NAP1L4: variants seen among roughly 807,000 people sequenced by gnomAD.
NAP1L4 encodes nucleosome assembly protein 1 like 4.
A neutral mutation model predicts 58.2 loss-of-function variants in NAP1L4; 15 were observed. The observed-to-expected ratio is 0.26, with a 90% CI of 0.17 to 0.40. The LOEUF (loss-of-function observed/expected upper bound fraction) is 0.40. NAP1L4 is among the 10% of genes least tolerant of loss of function. NAP1L4 has a pLI of 1.00. For missense variants in NAP1L4, 384 were observed against 451.1 expected, an observed-to-expected ratio of 0.85 and a Z score of 1.35; for synonymous variants, 171 against 155.6, an observed-to-expected ratio of 1.10 and a Z score of -0.74.
At chr11:2,989,183 G>A (rs1280405249) in intron 1 of NAP1L4, 3 of 151,690 alleles carry the variant, frequency 2.0e-5, no homozygotes, top group African/African-American at 4.9e-5. Flanking sequence ...GTTTCCTGCA[G>A]AGATCAGCTA....
chr11:2,953,918 A>G (rs1231827102), intron 12 of NAP1L4, among the ~76,000 whole-genome samples: 1 of 152,236 alleles, frequency 6.6e-6, no homozygotes, highest in Non-Finnish European at 1.5e-5. Flanking sequence ...CCACAGATCA[A>G]GAAGACTTGA....
At chr11:2,957,375 A>T (rs1846606395) in intron 10 of NAP1L4, among the ~76,000 whole-genome samples, 1 of 152,234 alleles carries the variant, frequency 6.6e-6, no homozygotes, top group Admixed American at 6.5e-5. Flanking sequence ...TAGGCACCAC[A>T]ATTAAAATAA....
At chr11:2,977,929 A>C (rs944400271) in intron 3 of NAP1L4, among the ~76,000 whole-genome samples, 11 of 151,496 alleles carry the variant, frequency 7.3e-5, no homozygotes, top group African/African-American at 2.7e-4. Context: ...ACTACCTGGG[A>C]GGCTGCGGCA....
At chr11:2,957,782 G>A (rs1406375245) in intron 10 of NAP1L4, among the ~76,000 whole-genome samples, 1 of 152,156 alleles carries the variant, frequency 6.6e-6, no homozygotes, top group Non-Finnish European at 1.5e-5. Context: ...TCCAAGCTGT[G>A]ATTCTGCCGA....
At chr11:2,974,788 C>T (rs1196877222) in intron 4 of NAP1L4, among the ~76,000 whole-genome samples, 1 of 152,132 alleles carries the variant, frequency 6.6e-6, no homozygotes, top group Non-Finnish European at 1.5e-5. Context: ...TGCAGCAAAT[C>T]ACCATGGCAC....
intron 10 of NAP1L4, among the ~76,000 whole-genome samples, chr11:2,956,771 T>C (rs1320176330): frequency 6.6e-6 from 1 of 152,254 alleles, no homozygotes; most frequent in Non-Finnish European, 1.5e-5. Flanking sequence ...CTCATACTTC[T>C]GGACTGGCTT....
intron 12 of NAP1L4, among the ~76,000 whole-genome samples, chr11:2,953,747 CA>C (rs1474188066): frequency 6.6e-6 from 1 of 152,250 alleles, no homozygotes; most frequent in Admixed American, 6.5e-5. Context: ...TTTACTGCCA[CA>C]GGGGGCTAAG....
intron 4 of NAP1L4, among the ~76,000 whole-genome samples, chr11:2,975,822 G>A (rs987125527): frequency 2.0e-5 from 3 of 152,014 alleles, no homozygotes; most frequent in Non-Finnish European, 4.4e-5. Flanking sequence ...GACAGGTCAC[G>A]CTACTCCATC....
At chr11:2,983,351 G>C (rs757612005) in intron 1 of NAP1L4, among the ~76,000 whole-genome samples, 2 of 152,152 alleles carry the variant, frequency 1.3e-5, no homozygotes, top group East Asian at 1.9e-4. Context: ...TTTAAGTGAA[G>C]GCTGTGCTTT....
intron 1 of NAP1L4, among the ~76,000 whole-genome samples, chr11:2,987,328 A>G (rs1274540321): frequency 6.6e-6 from 1 of 151,524 alleles, no homozygotes; most frequent in East Asian, 2.0e-4. Context: ...TTTGAGGTGG[A>G]GTCTCGCTCT....
At chr11:2,976,949 A>ACCCGAGTATTCTCCCAT (rs367979940) in intron 3 of NAP1L4, among the ~76,000 whole-genome samples, 8 of 152,252 alleles carry the variant, frequency 5.3e-5, no homozygotes, top group East Asian at 1.9e-4. Context: ...GCCAGTACAT[A>ACCCGAGTATTCTCCCAT]CCCGAGTATT....
At chr11:2,950,648 A>G (rs976465888) in intron 14 of NAP1L4, among the ~76,000 whole-genome samples, 25 of 152,234 alleles carry the variant, frequency 1.6e-4, no homozygotes, top group African/African-American at 5.3e-4. Flanking sequence ...CCAAATGGTC[A>G]AAGTACCTTG....
chr11:2,979,671 C>A (rs1245566403), intron 1 of NAP1L4, among the ~76,000 whole-genome samples: 1 of 151,956 alleles, frequency 6.6e-6, no homozygotes, highest in Non-Finnish European at 1.5e-5. Context: ...ACTCAGGAGG[C>A]TGAGGCAGAA....
Position 2,954,477 on chromosome 11 carries a change from C to T in NAP1L4, c.1035+50G>A. ...GCCACAATTCAGGGCCACTCTGCAC[C>T]AACAGAGATAAGCACCCAGGTGGAA... On this transcript the variant is annotated intron_variant, in intron 12 of 15. Coordinates refer to ENST00000380542, the MANE Select transcript of NAP1L4 (RefSeq NM_005969.4). The surrounding 1 kb of genome is among the most constrained non-coding windows in gnomAD (Gnocchi z 4.8). The T allele has an allele frequency of 6.2e-7, 1 of 1,612,032 alleles. No individual in the cohort carries two copies. The highest frequency in any genetic ancestry group is 8.5e-7 in the Non-Finnish European group (1 of 1,178,308).
chr11:2,946,518 A>G lies in NAP1L4; in HGVS notation c.*33-872T>C, dbSNP rs149026901. Reference sequence around the variant, plus strand: ...CTGTAACCTATGATTTCTGGCTAAGATTACAAATTGCCCTTAATCCAGCGT... The same window carrying G: ...CTGTAACCTATGATTTCTGGCTAAGGTTACAAATTGCCCTTAATCCAGCGT... On this transcript the variant is annotated intron_variant, in intron 15 of 15. Transcript: ENST00000380542. The surrounding 1 kb of genome is among the most constrained non-coding windows in gnomAD (Gnocchi z 4.8). Among the ~76,000 whole-genome samples, 5 of 152,310 alleles carry G rather than the reference A, an allele frequency of 3.3e-5. No individual in the cohort carries two copies. In the East Asian group the frequency reaches 9.6e-4, roughly 29 times the overall value.
chr11:2,978,385 T>C, intron 2 of NAP1L4, 43 bp from the exon 3 acceptor site: 1 of 1,565,602 alleles, frequency 6.4e-7, no homozygotes, highest in Non-Finnish European at 8.8e-7. Flanking sequence ...GTAAAGAAAG[T>C]TCCAAAGACA....
intron 8 of NAP1L4, chr11:2,963,634 C>T (rs2133945530): frequency 2.2e-6 from 1 of 447,132 alleles, no homozygotes; most frequent in East Asian, 5.6e-5. Flanking sequence ...GAAGAAATCC[C>T]ACTCCTAGTG....
intron 1 of NAP1L4, among the ~76,000 whole-genome samples, chr11:2,984,344 G>A (rs752969591): frequency 2.0e-5 from 3 of 152,052 alleles, no homozygotes; most frequent in Admixed American, 1.3e-4. Flanking sequence ...AGGCCGAGGC[G>A]AGCGGATCAT....
Position 2,954,697 on chromosome 11 carries a change from T to G in NAP1L4, c.916-51A>C. ...ACTCATTTTAATGGGATAAAAACAT[T>G]CACTTCACCACCCTCAGCCAAACCT... On this transcript the variant is annotated intron_variant, in intron 11 of 15. Coordinates refer to ENST00000380542, the MANE Select transcript of NAP1L4 (RefSeq NM_005969.4). The surrounding 1 kb of genome is among the most constrained non-coding windows in gnomAD (Gnocchi z 4.8). 6.2e-7 allele frequency: 1 copy of G among 1,611,902 alleles called. No homozygotes were observed. Among genetic ancestry groups the G allele is most frequent in the Non-Finnish European group, 8.5e-7 (1 of 1,178,596 alleles).
Sources: gnomAD v4.1 joint callset for allele counts (sites outside exome capture counted in the v4.1 genomes callset) on GRCh38, gnomAD v4.1.1 for gene constraint, Gnocchi (gnomAD v3.1) non-coding constraint, MANE v1.5 for transcripts, NCBI Gene and HGNC (gene_info 2026-07-23, HGNC 2026-07-21) for gene names.